Variants in ABCA9 observed in about 807,000 individuals in gnomAD.
ABCA9 encodes the protein ATP-binding cassette sub-family A member 9.
ABCA9 carries 183 observed loss-of-function variants against 205.3 expected under a neutral mutation model. The observed-to-expected ratio is 0.89, with a 90% CI of 0.79 to 1.01. The LOEUF is 1.01. Among genes scored for constraint, ABCA9 ranks in the 50% least tolerant of loss-of-function variants. The pLI is 0.00. For missense variants in ABCA9, 1,805 were observed against 1,912.4 expected (o/e 0.94, Z 1.05); for synonymous variants, 651 against 683.3 (o/e 0.95, Z 0.74).
intron 10 of ABCA9, among the ~76,000 whole-genome samples, chr17:69,031,120 G>A (rs766845604): frequency 2.6e-5 from 4 of 152,106 alleles, no homozygotes; most frequent in African/African-American, 7.2e-5. Context: ...AATTTTTCTA[G>A]ACCATAAGAC....
chr17:69,029,126 A>T (rs774360162), intron 11 of ABCA9, 43 bp downstream of exon 11: 1 of 1,249,844 alleles, frequency 8.0e-7, no homozygotes, highest in African/African-American at 1.5e-5. Context: ...TAAGGCAGCC[A>T]CTAAATCAAG....
At chr17:69,060,197 C>A (rs552170439) in intron 1 of ABCA9, among the ~76,000 whole-genome samples, 1 of 151,914 alleles carries the variant, frequency 6.6e-6, no homozygotes, top group Non-Finnish European at 1.5e-5. Context: ...TACTACCCAC[C>A]GTAATAATAT....
intron 10 of ABCA9, 77 bp downstream of exon 10, chr17:69,032,031 G>A: frequency 7.1e-7 from 1 of 1,411,480 alleles, no homozygotes; most frequent in Non-Finnish European, 9.7e-7. Context: ...GGCGATCTTT[G>A]CTCCTAGTGT....
chr17:69,061,046 G>A (rs535551628), upstream of ABCA9: 4 of 985,248 alleles, frequency 4.1e-6, no homozygotes, highest in African/African-American at 7.0e-5. Flanking sequence ...AGTTCAGCTA[G>A]CCTGCCAAAA....
In ABCA9 at chr17:68,975,774, TA is replaced by T; in HGVS notation, c.*140del. 1 of 691,706 alleles carries T rather than the reference TA, an allele frequency of 1.4e-6. No homozygotes were observed. Among genetic ancestry groups the T allele is most frequent in the Non-Finnish European group, 2.4e-6 (1 of 408,824 alleles). 42.8% of individuals were successfully genotyped at this position (691,706 alleles called of 1,614,324 possible). On this transcript the variant is annotated 3_prime_UTR_variant, in exon 39 of 39. Transcript: ENST00000340001. ...ACTGACATCGCCTGTTGTCTCACTG[TA>T]AGAAATACTACTGAGGATAATTATT...
Position 69,024,197 on chromosome 17 carries a change from T to C in ABCA9, c.2281+17A>G. On this transcript the variant is annotated intron_variant, in intron 17 of 38. Transcript: ENST00000340001. Reference sequence around the variant, plus strand: ...ACACCATTCCAAAACCATTCTGTCATCTTTACATTTTGTTACCTGGAAATT... The same window carrying C: ...ACACCATTCCAAAACCATTCTGTCACCTTTACATTTTGTTACCTGGAAATT... The C allele has an allele frequency of 6.2e-7, 1 of 1,610,806 alleles. No homozygotes were observed. Among genetic ancestry groups the C allele is most frequent in the East Asian group, 2.2e-5 (1 of 44,760 alleles).
intron 6 of ABCA9, among the ~76,000 whole-genome samples, chr17:69,040,983 A>G (rs1306984952): frequency 2.0e-5 from 3 of 151,232 alleles, no homozygotes; most frequent in Non-Finnish European, 4.5e-5. Flanking sequence ...CTCCTGCTAC[A>G]TTGTAACTAT....
Position 69,015,306 on chromosome 17 carries a change from A to G in ABCA9, c.3039+947T>C, listed in dbSNP as rs1022627399. ...TGGGACTGCACTAGAATGATCCTTC[A>G]TAACAAAAAGTAACCAAGAAGCTAT... On this transcript the variant is annotated intron_variant, in intron 22 of 38. Transcript: ENST00000340001. Among the ~76,000 whole-genome samples the G allele has an allele frequency of 3.9e-5, 6 of 152,288 alleles. No homozygotes were observed. In the South Asian group the frequency reaches 1.2e-3, roughly 32 times the overall value.
chr17:69,012,046 G>T lies in ABCA9; in HGVS notation c.3077C>A (p.Thr1026Asn), dbSNP rs747906248. ...MDYEYGYRSN[T>N]FFWIPMAASF... ...GGCTGCCATCGGTATCCAGAAGAAG[G>T]TGTTACTTCGGTACCCATACTCATA... Residue 1026 changes from threonine (T) to asparagine (N), a missense_variant, in exon 23 of 39, where the codon ACC (threonine) becomes AAC (asparagine). Physicochemically the swap from Thr to Asn is moderately conservative, Grantham distance 65 (BLOSUM62 0). Transcript: ENST00000340001. 5 of 1,613,198 alleles carry T rather than the reference G, an allele frequency of 3.1e-6. No homozygotes were observed. Among genetic ancestry groups the T allele is most frequent in the Non-Finnish European group, 4.2e-6 (5 of 1,179,532 alleles).
At chr17:69,016,127 C>G (rs201087990) in intron 22 of ABCA9, 126 bp downstream of exon 22, 5 of 266,704 alleles carry the variant, frequency 1.9e-5, no homozygotes, top group Non-Finnish European at 1.4e-5. Context: ...TATATATACA[C>G]ACACACACAC....
chr17:68,993,394 C>T (rs1028133246), intron 26 of ABCA9, among the ~76,000 whole-genome samples: 1 of 152,196 alleles, frequency 6.6e-6, no homozygotes, highest in Non-Finnish European at 1.5e-5. Flanking sequence ...GACAAACCCT[C>T]TCCCCTAACC....
chr17:69,040,547 C>T (rs528878713), intron 6 of ABCA9, among the ~76,000 whole-genome samples: 6 of 152,012 alleles, frequency 3.9e-5, no homozygotes, highest in Non-Finnish European at 1.5e-5. Flanking sequence ...CACACTGGGA[C>T]CTTTCAGGGA....
intron 1 of ABCA9, among the ~76,000 whole-genome samples, chr17:69,057,321 T>C (rs2072097808): frequency 6.6e-6 from 1 of 152,210 alleles, no homozygotes; most frequent in Non-Finnish European, 1.5e-5. Flanking sequence ...GCACCAATGT[T>C]GCTCTGCTAT....
chr17:69,076,832 T>C, the ABCA9 span, among the ~76,000 whole-genome samples: 2 of 152,178 alleles, frequency 1.3e-5, no homozygotes, highest in African/African-American at 4.8e-5. Flanking sequence ...GGATCTTTTG[T>C]ATTTCTGTGG....
chr17:68,992,516 AAAG>A, intron 27 of ABCA9: 1 of 278,990 alleles, frequency 3.6e-6, no homozygotes, highest in South Asian at 7.0e-5. Context: ...TAATTATTGT[AAAG>A]ATAGGAGTCC....
At chr17:68,979,612 C>T (rs1295179156) in intron 37 of ABCA9, among the ~76,000 whole-genome samples, 2 of 150,988 alleles carry the variant, frequency 1.3e-5, no homozygotes, top group African/African-American at 2.5e-5. Context: ...CAGAACAGAG[C>T]CCTCAGAAAT....
At chr17:69,067,168 T>A in the ABCA9 span, among the ~76,000 whole-genome samples, 2 of 152,152 alleles carry the variant, frequency 1.3e-5, no homozygotes, top group Non-Finnish European at 2.9e-5. Context: ...CTAAATTTTG[T>A]AATATTTTTG....
chr17:68,990,979 A>C, intron 28 of ABCA9, 22 bp from the exon 29 acceptor site: 1 of 1,587,482 alleles, frequency 6.3e-7, no homozygotes, highest in East Asian at 2.2e-5. Flanking sequence ...ACAGTGTGAT[A>C]ATGATAAACT....
chr17:68,991,097 A>G (rs1353915548), intron 28 of ABCA9, 140 bp from the exon 29 acceptor site: 17 of 959,298 alleles, frequency 1.8e-5, no homozygotes, highest in Non-Finnish European at 2.4e-5. Flanking sequence ...TACTTGCACC[A>G]TCCGCCTTTC....
Sources: gnomAD v4.1 joint callset for allele counts (sites outside exome capture counted in the v4.1 genomes callset) on GRCh38, gnomAD v4.1.1 for gene constraint, MANE v1.5 for transcripts, NCBI Gene and HGNC (gene_info 2026-07-23, HGNC 2026-07-21) for gene names.